Variants in TSPAN2 observed in about 807,000 individuals in gnomAD.
TSPAN2 encodes tetraspanin-2.
A neutral mutation model predicts 33.3 loss-of-function variants in TSPAN2; 24 were observed. That is an observed-to-expected ratio of 0.72 (90% confidence interval 0.52 to 1.01). The LOEUF is 1.01. Ranked by LOEUF, TSPAN2 falls within the 50% of genes least tolerant of loss-of-function variation. TSPAN2 has a pLI of 0.00. For missense variants in TSPAN2, 278 were observed against 281.3 expected, an observed-to-expected ratio of 0.99 and a Z score of 0.08; for synonymous variants, 114 against 104.5, an observed-to-expected ratio of 1.09 and a Z score of -0.56.
intron 2 of TSPAN2, among the ~76,000 whole-genome samples, chr1:115,069,528 A>G (rs1367587558): frequency 6.6e-6 from 1 of 152,228 alleles, no homozygotes; most frequent in Non-Finnish European, 1.5e-5. Context: ...CCGTTTTATC[A>G]CATGGAGAAG....
intron 6 of TSPAN2, 84 bp downstream of exon 6, chr1:115,057,453 C>T (rs1237901831): frequency 7.7e-7 from 1 of 1,306,248 alleles, no homozygotes. Flanking sequence ...AAATGCAGAT[C>T]CCATCCGAGA....
chr1:115,080,582 T>G (rs1313868395), intron 1 of TSPAN2, among the ~76,000 whole-genome samples: 1 of 152,154 alleles, frequency 6.6e-6, no homozygotes, highest in Non-Finnish European at 1.5e-5. Flanking sequence ...GCCTATGTAG[T>G]CTTCTTTATA....
intron 2 of TSPAN2, among the ~76,000 whole-genome samples, chr1:115,067,679 T>C (rs1648002502): frequency 6.6e-6 from 1 of 152,182 alleles, no homozygotes; most frequent in Non-Finnish European, 1.5e-5. Flanking sequence ...GCTTGGAGAC[T>C]CTGAGTTCCA....
chr1:115,059,330 A>G (rs926921527), intron 4 of TSPAN2, among the ~76,000 whole-genome samples: 2 of 152,188 alleles, frequency 1.3e-5, no homozygotes, highest in African/African-American at 4.8e-5. Flanking sequence ...ATTCAGCAAC[A>G]TATGGAGAAG....
intron 2 of TSPAN2, among the ~76,000 whole-genome samples, chr1:115,071,323 G>A (rs1241017472): frequency 6.6e-6 from 1 of 152,178 alleles, no homozygotes; most frequent in Non-Finnish European, 1.5e-5. Context: ...ATTCAAAAAA[G>A]GGACCCTATG....
chr1:115,072,329 C>T (rs1018758939), intron 2 of TSPAN2, among the ~76,000 whole-genome samples: 2 of 152,136 alleles, frequency 1.3e-5, no homozygotes, highest in Non-Finnish European at 2.9e-5. Context: ...TCCATCCCTC[C>T]TCTCCCTCAT....
At chr1:115,068,201 T>A (rs1648025102) in intron 2 of TSPAN2, among the ~76,000 whole-genome samples, 2 of 152,206 alleles carry the variant, frequency 1.3e-5, no homozygotes, top group Non-Finnish European at 2.9e-5. Flanking sequence ...CCTGTCCTCA[T>A]TTCCCACAGC....
At chr1:115,070,106 G>T (rs1209970684) in intron 2 of TSPAN2, among the ~76,000 whole-genome samples, 2 of 152,160 alleles carry the variant, frequency 1.3e-5, no homozygotes, top group Non-Finnish European at 2.9e-5. Context: ...CCACGCAACG[G>T]CCCCTCCCTC....
rs1265776355 is a variant in TSPAN2, at chr1:115,070,490, G to C, written c.172+2415C>G. ...CCCGGCCCCAAATCATTCTTCTACT[G>C]TTTACCAACTTAACCCTGACATTCA... On this transcript the variant is annotated intron_variant, in intron 2 of 7. Coordinates refer to ENST00000369516, the MANE Select transcript of TSPAN2 (RefSeq NM_005725.6). 1.2e-4 allele frequency among the ~76,000 whole-genome samples: 18 copies of C among 146,378 alleles called. No homozygotes were observed. The Admixed American group carries it at 1.3e-3, about 10-fold the overall frequency.
In TSPAN2 at chr1:115,058,877, A is replaced by G; in HGVS notation, c.444+6T>C. ...GTGATTTTAAGGAAGAAGTGAAGTT[A>G]CTCACTGTTGAGTGGAAGGTGATGA... On this transcript the variant is annotated splice_donor_region_variant and intron_variant, in intron 5 of 7. Transcript: ENST00000369516. 1 of 1,597,672 alleles carries G rather than the reference A, an allele frequency of 6.3e-7. No individual in the cohort carries two copies. The highest frequency in any genetic ancestry group is 8.6e-7 in the Non-Finnish European group (1 of 1,165,106).
At position 115,057,582 on chromosome 1, in the gene TSPAN2, G is replaced by A. The variant is rs35207126; in HGVS notation, c.471C>T (p.Ser157=). The change falls in exon 6 of 8, where the codon TCC becomes TCT. Residue 157 remains serine, a synonymous_variant. Transcript: ENST00000369516. The part of the protein sequence containing the change: ...STFQCCGKES[S]EQVQPTCPKE... ...TTGGGCATGTAGGTTGGACCTGTTC[G>A]GAGCTTTCTTTTCCACAGCACTGAA... 2.0e-4 allele frequency: 324 copies of A among 1,614,098 alleles called. No homozygotes were observed. The highest frequency in any genetic ancestry group is 1.8e-3 in the African/African-American group (138 of 75,030).
chr1:115,074,181 G>T (rs533916096), intron 1 of TSPAN2, among the ~76,000 whole-genome samples: 1 of 152,308 alleles, frequency 6.6e-6, no homozygotes, highest in Admixed American at 6.5e-5. Context: ...ATGGAGGATG[G>T]AAATCAGAGA....
rs139996655 is a variant in TSPAN2 at position 115,057,450 on chromosome 1, G to A, written c.516+87C>T. The A allele has an allele frequency of 7.8e-4, 1,005 of 1,281,670 alleles. 9 individuals are homozygous for A. In the African/African-American group the frequency reaches 0.013, roughly 17 times the overall value. The allele number at this position is 1,281,670 out of a possible 1,614,324, so 79.4% of individuals were successfully genotyped here. A position where few individuals can be genotyped will look rare whatever the true frequency, so the allele number is the denominator to read the frequency against. ...ACTAGAGCAAATTCAGTAAAATGCA[G>A]ATCCCATCCGAGATTCTACCTTCAA... On this transcript the variant is annotated intron_variant, in intron 6 of 7. Coordinates refer to ENST00000369516, the MANE Select transcript of TSPAN2 (RefSeq NM_005725.6).
chr1:115,085,345 T>C (rs1273358526), intron 1 of TSPAN2, among the ~76,000 whole-genome samples: 6 of 152,220 alleles, frequency 3.9e-5, no homozygotes, highest in Admixed American at 1.3e-4. Context: ...CTGTGCTGGC[T>C]CTGGCAGGGC....
At chr1:115,079,114 A>G (rs1648522522) in intron 1 of TSPAN2, among the ~76,000 whole-genome samples, 1 of 148,908 alleles carries the variant, frequency 6.7e-6, no homozygotes, top group African/African-American at 2.5e-5. Flanking sequence ...GCAGGGGCAT[A>G]TGAACACAAT....
At chr1:115,061,127 C>T (rs556662495) in intron 3 of TSPAN2, among the ~76,000 whole-genome samples, 18 of 152,264 alleles carry the variant, frequency 1.2e-4, no homozygotes, top group African/African-American at 4.1e-4. Flanking sequence ...ATGTGCTCAA[C>T]AGTAGGAGAA....
chr1:115,081,560 G>C (rs992364293), intron 1 of TSPAN2, among the ~76,000 whole-genome samples: 1 of 152,152 alleles, frequency 6.6e-6, no homozygotes, highest in African/African-American at 2.4e-5. Context: ...AAAAATGGGG[G>C]TTCTACGCAT....
chr1:115,081,288 G>A (rs1047945408), intron 1 of TSPAN2, among the ~76,000 whole-genome samples: 4 of 152,238 alleles, frequency 2.6e-5, no homozygotes, highest in South Asian at 2.1e-4. Flanking sequence ...AGACAAAGTC[G>A]GCTTCCTGGA....
At chr1:115,078,603 T>C (rs1358396639) in intron 1 of TSPAN2, among the ~76,000 whole-genome samples, 1 of 152,138 alleles carries the variant, frequency 6.6e-6, no homozygotes, top group Non-Finnish European at 1.5e-5. Flanking sequence ...CTCCACCATA[T>C]GAAGACATGG....
Sources: allele counts gnomAD v4.1 joint callset (sites outside exome capture counted in the v4.1 genomes callset), GRCh38; gene constraint gnomAD v4.1.1; transcripts MANE v1.5; gene names NCBI Gene and HGNC (gene_info 2026-07-23, HGNC 2026-07-21).